The following RAB30 variants were observed in gnomAD, a reference collection of about 807,000 sequenced individuals.
RAB30 encodes RAB30, member RAS oncogene family.
In RAB30, 9 loss-of-function variants were observed where a neutral mutation model predicts 25.1. The observed-to-expected ratio is 0.36, with a 90% confidence interval of 0.22 to 0.63. The LOEUF is 0.63. Among genes scored for constraint, RAB30 ranks in the 20% least tolerant of loss-of-function variants. RAB30 has a pLI of 0.69. For synonymous variants in RAB30, 77 were observed against 86.4 expected (o/e 0.89, Z 0.60); for missense variants, 140 against 243.5 (o/e 0.58, Z 2.83).
chr11:83,016,810 C>T (rs922897081), intron 1 of RAB30, among the ~76,000 whole-genome samples: 1 of 152,180 alleles, frequency 6.6e-6, no homozygotes. Context: ...CAAACACACA[C>T]CCCCTTCTCA....
chr11:82,991,718 G>A (rs1317887796), intron 3 of RAB30, among the ~76,000 whole-genome samples: 2 of 152,156 alleles, frequency 1.3e-5, no homozygotes. Context: ...GGATTTGGGA[G>A]ATGAGCCAAC....
At chr11:83,034,440 C>G (rs1471546952) in intron 1 of RAB30, 1 of 152,198 alleles carries the variant, frequency 6.6e-6, no homozygotes, top group East Asian at 1.9e-4. Context: ...TCAGTAAATC[C>G]TTCCATAGCA....
intron 1 of RAB30, among the ~76,000 whole-genome samples, chr11:83,014,500 G>A (rs749424094): frequency 6.6e-6 from 1 of 151,946 alleles, no homozygotes; most frequent in Non-Finnish European, 1.5e-5. Context: ...GAGCTTTGAT[G>A]ATGCCAGTGC....
chr11:82,982,061 C>T lies in RAB30; in HGVS notation c.*104G>A. On this transcript the variant is annotated 3_prime_UTR_variant, in exon 5 of 5. Coordinates refer to ENST00000527633, the MANE Select transcript of RAB30 (RefSeq NM_001286060.2). ...TGTAAGCTCAGGAGCCCACAGGAGT[C>T]AGAAGGTCAGAGAGCGGGAGCCACA... 6.7e-7 allele frequency: 1 copy of T among 1,494,442 alleles called. No homozygotes were observed. The highest frequency in any genetic ancestry group is 9.1e-7 in the Non-Finnish European group (1 of 1,096,782). The allele number at this position is 1,494,442 out of a possible 1,614,324, so 92.6% of individuals were successfully genotyped here.
rs192344166 is a variant in RAB30, at chr11:83,059,592, A to G, written c.-9+12099T>C. Among the ~76,000 whole-genome samples the G allele has an allele frequency of 1.3e-5, 2 of 152,354 alleles. 1 individual carries two copies. Among genetic ancestry groups the G allele is most frequent in the East Asian group, 3.9e-4 (2 of 5,188 alleles). ...GATGCAGTGTGGAGTAGCAGGAACCAAGTAGCAGGACCAGCTTGAGTTAAT... is the reference window on the plus strand; with the variant it reads ...GATGCAGTGTGGAGTAGCAGGAACCGAGTAGCAGGACCAGCTTGAGTTAAT... On this transcript the variant is annotated intron_variant, in intron 1 of 4. Coordinates refer to ENST00000527633, the MANE Select transcript of RAB30 (RefSeq NM_001286060.2).
At chr11:83,022,994 T>C (rs1235583758) in intron 1 of RAB30, among the ~76,000 whole-genome samples, 2 of 152,064 alleles carry the variant, frequency 1.3e-5, no homozygotes. Flanking sequence ...TATATGTATA[T>C]ATACACATAC....
At chr11:82,987,345 A>G (rs911596495) in intron 4 of RAB30, 6 of 329,708 alleles carry the variant, frequency 1.8e-5, no homozygotes, top group African/African-American at 1.3e-4. Context: ...TTTCATGGCC[A>G]TCCAACTTCT....
At chr11:83,028,048 G>C (rs1857766816) in intron 1 of RAB30, among the ~76,000 whole-genome samples, 2 of 152,036 alleles carry the variant, frequency 1.3e-5, no homozygotes, top group African/African-American at 4.8e-5. Context: ...TAAAGATACA[G>C]ACCATGGCAA....
chr11:83,013,809 T>A (rs148483280), intron 1 of RAB30, among the ~76,000 whole-genome samples: 4 of 152,340 alleles, frequency 2.6e-5, no homozygotes, highest in Non-Finnish European at 5.9e-5. Context: ...CTTTATTGCA[T>A]GTCTACAATA....
rs1412937192 is a variant in RAB30 at position 82,978,771 on chromosome 11, T to C, written c.*3394A>G. The C allele has an allele frequency of 3.3e-5, 5 of 152,182 alleles. No individual in the cohort carries two copies. The highest frequency in any genetic ancestry group is 9.7e-5 in the African/African-American group (4 of 41,448). The allele number at this position is 152,182 out of a possible 1,614,324, so 9.4% of individuals were successfully genotyped here. A position where few individuals can be genotyped will look rare whatever the true frequency, so the allele number is the denominator to read the frequency against. On this transcript the variant is annotated 3_prime_UTR_variant, in exon 5 of 5. Coordinates refer to ENST00000527633, the MANE Select transcript of RAB30 (RefSeq NM_001286060.2). Reference sequence around the variant, plus strand: ...ATGAAAGAAGATAAGAACCCAGTCCTTTGCTAAATCTGGCGTCTCTGGCCA... The same window carrying C: ...ATGAAAGAAGATAAGAACCCAGTCCCTTGCTAAATCTGGCGTCTCTGGCCA...
chr11:83,047,524 A>T lies in RAB30; in HGVS notation c.-9+24167T>A, dbSNP rs1382321358. On this transcript the variant is annotated intron_variant, in intron 1 of 4. Transcript: ENST00000527633. ...AAAAATACACGATACCAAAACAAGG[A>T]ATTCAAATATTTATGTCAGGGCAAC... Among the ~76,000 whole-genome samples the T allele has an allele frequency of 2.0e-5, 3 of 152,224 alleles. No individual in the cohort carries two copies. The East Asian group carries it at 5.8e-4, about 29-fold the overall frequency.
intron 1 of RAB30, among the ~76,000 whole-genome samples, chr11:83,050,987 C>G (rs1209848784): frequency 6.6e-6 from 1 of 152,138 alleles, no homozygotes. Context: ...AGGTGCTCAC[C>G]AAACCTATTT....
chr11:82,980,253 C>T lies in RAB30; in HGVS notation c.*1912G>A, dbSNP rs1590829606. 2 of 152,114 alleles carry T rather than the reference C, an allele frequency of 1.3e-5. No individual in the cohort carries two copies. Among genetic ancestry groups the T allele is most frequent in the African/African-American group, 4.8e-5 (2 of 41,416 alleles). 9.4% of individuals were successfully genotyped at this position (152,114 alleles called of 1,614,324 possible). On this transcript the variant is annotated 3_prime_UTR_variant, in exon 5 of 5. Transcript: ENST00000527633. The stretch of plus-strand genomic sequence containing the variant: ...TTTTTATTAAAATGACTTTTCTTTC[C>T]TGCAGAGACAGATTCTAAAAGAAAA...
intron 1 of RAB30, among the ~76,000 whole-genome samples, chr11:83,067,543 G>A (rs566699772): frequency 3.3e-5 from 5 of 152,122 alleles, no homozygotes; most frequent in Non-Finnish European, 7.4e-5. Context: ...TCCTCCCTTC[G>A]GAAAACAAAA....
Position 82,982,015 on chromosome 11 carries a change from G to T in RAB30, c.*150C>A. The T allele has an allele frequency of 9.7e-7, 1 of 1,032,256 alleles. No homozygotes were observed. The highest frequency in any genetic ancestry group is 2.4e-5 in the East Asian group (1 of 41,744). The allele number at this position is 1,032,256 out of a possible 1,614,324, so 63.9% of individuals were successfully genotyped here. On this transcript the variant is annotated 3_prime_UTR_variant, in exon 5 of 5. Coordinates refer to ENST00000527633, the MANE Select transcript of RAB30 (RefSeq NM_001286060.2). ...TCTGCTAATGCTGGCCTGTGGTCGA[G>T]GCCCTTGGCCTGCCATGCTTTGTAA...
chr11:83,058,975 C>T (rs776225131), intron 1 of RAB30, among the ~76,000 whole-genome samples: 5 of 152,216 alleles, frequency 3.3e-5, no homozygotes, highest in African/African-American at 4.8e-5. Context: ...GACAGTTTCA[C>T]TCTGTCACCC....
chr11:83,001,460 T>C (rs1857084192), intron 1 of RAB30, among the ~76,000 whole-genome samples: 1 of 152,228 alleles, frequency 6.6e-6, no homozygotes, highest in South Asian at 2.1e-4. Flanking sequence ...ATTACAGGCA[T>C]GAGCCACCAC....
intron 1 of RAB30, among the ~76,000 whole-genome samples, chr11:83,019,751 C>A (rs1266820539): frequency 6.6e-6 from 1 of 152,138 alleles, no homozygotes; most frequent in African/African-American, 2.4e-5. Context: ...TACTTTTTTT[C>A]AGTACGAAAT....
intron 1 of RAB30, among the ~76,000 whole-genome samples, chr11:83,046,760 G>T (rs975806967): frequency 2.0e-5 from 3 of 152,176 alleles, no homozygotes; most frequent in Non-Finnish European, 4.4e-5. Context: ...CTGCCAAAGT[G>T]CTGGGATTAC....
Sources: gnomAD v4.1 joint callset for allele counts (sites outside exome capture counted in the v4.1 genomes callset) on GRCh38, gnomAD v4.1.1 for gene constraint, MANE v1.5 for transcripts, NCBI Gene and HGNC (gene_info 2026-07-23, HGNC 2026-07-21) for gene names.